Variants in HECTD2 observed in about 807,000 individuals in gnomAD.
HECTD2 encodes probable E3 ubiquitin-protein ligase HECTD2.
In HECTD2, 35 loss-of-function variants were observed where a neutral mutation model predicts 103.2. The ratio of observed to expected loss-of-function variants is 0.34; its 90% confidence interval spans 0.26 to 0.45. The LOEUF is 0.45. Ranked by LOEUF, HECTD2 falls within the 20% of genes least tolerant of loss-of-function variation. HECTD2 has a pLI of 1.00. For missense variants in HECTD2, 596 were observed against 937.4 expected, an observed-to-expected ratio of 0.64 and a Z score of 4.76; for synonymous variants, 281 against 329.9, an observed-to-expected ratio of 0.85 and a Z score of 1.61.
chr10:91,443,862 A>T (rs1189143219), intron 2 of HECTD2, among the ~76,000 whole-genome samples: 9 of 152,306 alleles, frequency 5.9e-5, no homozygotes, highest in African/African-American at 1.9e-4. Context: ...TATATCCTTT[A>T]TTAAATATGG....
intron 8 of HECTD2, among the ~76,000 whole-genome samples, chr10:91,483,363 G>A (rs768967166): frequency 7.3e-5 from 11 of 151,670 alleles, no homozygotes; most frequent in African/African-American, 2.2e-4. Context: ...GGTTTTTTAC[G>A]TATCTCAAAG....
intron 14 of HECTD2, among the ~76,000 whole-genome samples, chr10:91,494,957 AT>A (rs1243398638): frequency 6.6e-6 from 1 of 151,958 alleles, no homozygotes; most frequent in Admixed American, 6.6e-5. Context: ...GAAATTGCTC[AT>A]TGTTTTTTTT....
At chr10:91,413,290 C>T (rs1842995585) in intron 1 of HECTD2, among the ~76,000 whole-genome samples, 6 of 152,094 alleles carry the variant, frequency 3.9e-5, no homozygotes, top group Admixed American at 3.3e-4. Flanking sequence ...GAAAGGGCAG[C>T]CCTGAAGTGT....
chr10:91,425,322 C>A lies in HECTD2; in HGVS notation c.180C>A (p.Ser60Arg), dbSNP rs751812903. The A allele has an allele frequency of 3.2e-6, 5 of 1,541,124 alleles. No individual in the cohort carries two copies. Among genetic ancestry groups the A allele is most frequent in the Non-Finnish European group, 4.4e-6 (5 of 1,137,230 alleles). Residue 60 changes from serine (S) to arginine (R), a missense_variant, in exon 2 of 21, where the codon AGC becomes AGA. Ser to Arg is a moderately radical substitution (Grantham distance 110, BLOSUM62 -1). Around this residue, in one of 4 missense-constraint regions of HECTD2, gnomAD observed 220 missense variants for 233.9 expected, o/e 0.94. Coordinates refer to ENST00000298068, the MANE Select transcript of HECTD2 (RefSeq NM_182765.6). ...RGAKGQISTF[S>R]SFISAVSPKK... ...CCAAAGGCCAAATTTCCACTTTCAG[C>A]AGTTTTATTTCAGCTGTTAGCCCGA...
chr10:91,438,938 T>C (rs931580699), intron 2 of HECTD2, among the ~76,000 whole-genome samples: 1 of 152,210 alleles, frequency 6.6e-6, no homozygotes, highest in Non-Finnish European at 1.5e-5. Flanking sequence ...TGATTTTTCT[T>C]GCAAATTTGT....
Position 91,492,433 on chromosome 10 carries a change from A to G in HECTD2, c.1381A>G (p.Thr461Ala). 6.2e-7 allele frequency: 1 copy of G among 1,613,134 alleles called. No homozygotes were observed. Among genetic ancestry groups the G allele is most frequent in the Non-Finnish European group, 8.5e-7 (1 of 1,179,206 alleles). Residue 461 changes from threonine (T) to alanine (A), a missense_variant, in exon 13 of 21, where the codon ACT (threonine) becomes GCT (alanine). Coordinates refer to ENST00000298068, the MANE Select transcript of HECTD2 (RefSeq NM_182765.6). ...AGCTGGTTTGGATATGGGTGGTTTGACTAAAGAATGGTTCCTTCTTCTAAT... is the reference window on the plus strand; with the variant it reads ...AGCTGGTTTGGATATGGGTGGTTTGGCTAAAGAATGGTTCCTTCTTCTAAT... ...GEAGLDMGGL[T>A]KEWFLLLIRQ...
chr10:91,409,791 G>A (rs1394002514), upstream of HECTD2, among the ~76,000 whole-genome samples: 1 of 152,172 alleles, frequency 6.6e-6, no homozygotes, highest in Non-Finnish European at 1.5e-5. Flanking sequence ...AGGATAAGAA[G>A]GCAGAAGCCC....
intron 12 of HECTD2, among the ~76,000 whole-genome samples, chr10:91,491,899 C>A (rs567623113): frequency 2.6e-5 from 4 of 152,118 alleles, no homozygotes; most frequent in African/African-American, 9.6e-5. Context: ...TGTAGTGGTA[C>A]AATCAAAGCT....
chr10:91,463,957 AT>A (rs539747683), intron 5 of HECTD2, among the ~76,000 whole-genome samples: 21 of 151,464 alleles, frequency 1.4e-4, no homozygotes, highest in East Asian at 7.7e-4. Flanking sequence ...TCTGAACTTG[AT>A]TTTTTTTTGA....
chr10:91,467,996 C>G (rs1271881876), intron 5 of HECTD2, among the ~76,000 whole-genome samples: 4 of 152,128 alleles, frequency 2.6e-5, no homozygotes, highest in Admixed American at 6.5e-5. Flanking sequence ...AGCTCAAGAG[C>G]ATGGAGCAAT....
intron 20 of HECTD2, among the ~76,000 whole-genome samples, chr10:91,505,060 AC>A (rs1847093216): frequency 6.6e-6 from 1 of 152,042 alleles, no homozygotes; most frequent in African/African-American, 2.4e-5. Flanking sequence ...TACTTTACAG[AC>A]AAGCAAATGC....
chr10:91,509,193 G>A (rs1201865201), intron 20 of HECTD2, among the ~76,000 whole-genome samples: 1 of 151,500 alleles, frequency 6.6e-6, no homozygotes, highest in Non-Finnish European at 1.5e-5. Flanking sequence ...GTTAGTGGGT[G>A]CAGCACACCA....
At chr10:91,503,425 G>A (rs1023595302) in intron 20 of HECTD2, among the ~76,000 whole-genome samples, 6 of 152,156 alleles carry the variant, frequency 3.9e-5, no homozygotes, top group East Asian at 1.9e-4. Flanking sequence ...TGCGCACACC[G>A]TGCGCGAGCC....
At chr10:91,452,947 G>A (rs1318130685) in intron 2 of HECTD2, among the ~76,000 whole-genome samples, 2 of 152,120 alleles carry the variant, frequency 1.3e-5, no homozygotes, top group East Asian at 3.9e-4. Context: ...GAATAAAGGA[G>A]TTCTCTAAAC....
At chr10:91,420,567 G>A (rs1406208898) in intron 1 of HECTD2, among the ~76,000 whole-genome samples, 8 of 149,234 alleles carry the variant, frequency 5.4e-5, no homozygotes, top group African/African-American at 4.9e-5. Flanking sequence ...CAGCCTGGGC[G>A]ACAGAGCAAG....
rs988630265 is a variant in HECTD2 at position 91,513,655 on chromosome 10, T to C, written c.*1271T>C. 1.3e-5 allele frequency: 2 copies of C among 152,638 alleles called. No homozygotes were observed. The highest frequency in any genetic ancestry group is 2.9e-5 in the Non-Finnish European group (2 of 68,030). The allele number at this position is 152,638 out of a possible 1,614,324, so 9.5% of individuals were successfully genotyped here. ...AAACCAAGACTTCTCTACCATACTT[T>C]AACAGCTTTCCTTCAGAAAACTCTG... On this transcript the variant is annotated 3_prime_UTR_variant, in exon 21 of 21. Transcript: ENST00000298068.
chr10:91,487,658 T>G lies in HECTD2; in HGVS notation c.1095-24T>G. 6.6e-7 allele frequency: 1 copy of G among 1,520,016 alleles called. No homozygotes were observed. The highest frequency in any genetic ancestry group is 9.1e-7 in the Non-Finnish European group (1 of 1,094,536). 94.2% of individuals were successfully genotyped at this position (1,520,016 alleles called of 1,614,324 possible). A position where few individuals can be genotyped will look rare whatever the true frequency, so the allele number is the denominator to read the frequency against. ...TGTTAAAAATACACCATTTTGCTTT[T>G]TCTTTTTTTCACTTGTTGAGCAGGT... On this transcript the variant is annotated intron_variant, in intron 10 of 20. Coordinates refer to ENST00000298068, the MANE Select transcript of HECTD2 (RefSeq NM_182765.6). This position sits in a 1 kb window ranked among gnomAD's most constrained non-coding sequence, Gnocchi z 4.1.
chr10:91,502,149 T>C lies in HECTD2; in HGVS notation c.2210+815T>C, dbSNP rs138141146. ...ATCATATTTCCGTGGGAAATAACTT[T>C]ATTGCCAGTTTAAGTTCTAGAATCC... On this transcript the variant is annotated intron_variant, in intron 20 of 20. Coordinates refer to ENST00000298068, the MANE Select transcript of HECTD2 (RefSeq NM_182765.6). 5.4e-3 allele frequency among the ~76,000 whole-genome samples: 830 copies of C among 152,298 alleles called. 12 individuals carry two copies. The highest frequency in any genetic ancestry group is 0.019 in the African/African-American group (791 of 41,568).
At chr10:91,422,693 A>G (rs767361632) in intron 1 of HECTD2, among the ~76,000 whole-genome samples, 7 of 152,164 alleles carry the variant, frequency 4.6e-5, no homozygotes, top group Non-Finnish European at 1.0e-4. Flanking sequence ...ATTTACCAAT[A>G]TTATGCAAAT....
Sources: gnomAD v4.1 joint callset for allele counts (sites outside exome capture counted in the v4.1 genomes callset) on GRCh38, gnomAD v4.1.1 for gene constraint, gnomAD v4.1.1 regional missense constraint, Gnocchi (gnomAD v3.1) non-coding constraint, MANE v1.5 for transcripts, NCBI Gene and HGNC (gene_info 2026-07-23, HGNC 2026-07-21) for gene names.